SPECC1: variants seen among roughly 807,000 people sequenced by gnomAD.
SPECC1 encodes cytospin-B.
Under a neutral mutation model 104.1 loss-of-function variants are expected in SPECC1, and 62 were observed. The observed-to-expected ratio is 0.60, with a 90% CI of 0.49 to 0.74. The LOEUF is 0.74. Ranked by LOEUF, SPECC1 falls within the 30% of genes least tolerant of loss-of-function variation. The pLI, the probability that SPECC1 is intolerant of heterozygous loss-of-function variation, is 0.00. For missense variants in SPECC1, 1,306 were observed against 1,310.5 expected, an observed-to-expected ratio of 1.00 and a Z score of 0.05; for synonymous variants, 513 against 501.6, an observed-to-expected ratio of 1.02 and a Z score of -0.30.
chr17:20,244,768 T>G (rs993890266), intron 7 of SPECC1, among the ~76,000 whole-genome samples: 1 of 152,188 alleles, frequency 6.6e-6, no homozygotes, highest in African/African-American at 2.4e-5. Flanking sequence ...ACATTCTGTT[T>G]GAACTATTAT....
At chr17:20,130,297 C>T (rs1440598338) in intron 3 of SPECC1, among the ~76,000 whole-genome samples, 4 of 152,116 alleles carry the variant, frequency 2.6e-5, no homozygotes, top group Non-Finnish European at 5.9e-5. Context: ...TGGCTCACAC[C>T]TGTAAGCCCA....
At chr17:20,075,800 A>G (rs1165667443) in intron 1 of SPECC1, among the ~76,000 whole-genome samples, 1 of 151,916 alleles carries the variant, frequency 6.6e-6, no homozygotes, top group Non-Finnish European at 1.5e-5. Flanking sequence ...TCAAAACACA[A>G]GCTAAGTGTG....
At chr17:20,170,996 T>C (rs2034047236) in intron 3 of SPECC1, among the ~76,000 whole-genome samples, 1 of 152,186 alleles carries the variant, frequency 6.6e-6, no homozygotes, top group Non-Finnish European at 1.5e-5. Flanking sequence ...TCTTGGAAGG[T>C]TACATTATAA....
intron 9 of SPECC1, 111 bp from the exon 10 acceptor site, chr17:20,253,394 C>T: frequency 1.0e-6 from 1 of 979,512 alleles, no homozygotes; most frequent in South Asian, 1.6e-5. Flanking sequence ...CTGGTTATTC[C>T]ACTGTGTTTA....
At chr17:20,301,407 G>T (rs1390078091) in intron 13 of SPECC1, among the ~76,000 whole-genome samples, 1 of 149,710 alleles carries the variant, frequency 6.7e-6, no homozygotes, top group Non-Finnish European at 1.5e-5. Flanking sequence ...CAGTGCCAGG[G>T]CATTTTTTTT....
chr17:20,095,255 A>G (rs2047589767), intron 1 of SPECC1, among the ~76,000 whole-genome samples: 1 of 152,262 alleles, frequency 6.6e-6, no homozygotes, highest in Non-Finnish European at 1.5e-5. Context: ...GTAATCCAGA[A>G]TTTTAAAAAA....
chr17:20,025,407 T>A (rs955794319), intron 1 of SPECC1, among the ~76,000 whole-genome samples: 6 of 152,220 alleles, frequency 3.9e-5, no homozygotes, highest in Non-Finnish European at 5.9e-5. Flanking sequence ...ACCACTAATC[T>A]ACTTTCTGTC....
At chr17:20,163,281 C>T (rs900068180) in intron 3 of SPECC1, among the ~76,000 whole-genome samples, 52 of 152,250 alleles carry the variant, frequency 3.4e-4, no homozygotes, top group Middle Eastern at 6.8e-3. Context: ...TTGAAATTTT[C>T]AAGTTCAACG....
chr17:20,299,078 G>A (rs745348215), intron 13 of SPECC1, among the ~76,000 whole-genome samples: 2 of 151,870 alleles, frequency 1.3e-5, no homozygotes, highest in Non-Finnish European at 2.9e-5. Context: ...TGCAGGGTAA[G>A]CCAGCAGGCT....
intron 1 of SPECC1, among the ~76,000 whole-genome samples, chr17:20,054,150 A>G (rs2045876325): frequency 6.6e-6 from 1 of 152,112 alleles, no homozygotes; most frequent in African/African-American, 2.4e-5. Flanking sequence ...CTCTCTTTTA[A>G]TCTATTCCCC....
chr17:20,032,039 A>G (rs2044836143), intron 1 of SPECC1, among the ~76,000 whole-genome samples: 1 of 152,184 alleles, frequency 6.6e-6, no homozygotes, highest in Non-Finnish European at 1.5e-5. Flanking sequence ...TGTCGTATAT[A>G]GGAATCTTTA....
At position 20,283,640 on chromosome 17, in the gene SPECC1, G is replaced by GT. The variant is rs2040849590; in HGVS notation, c.2941-13320dup. ...CTTGCTCTGTCACCCTGGCTGGAGT[G>GT]TAGTGGCACGATCTTGGCTCACCTC... On this transcript the variant is annotated intron_variant, in intron 12 of 14. Coordinates refer to ENST00000395527, the MANE Select transcript of SPECC1 (RefSeq NM_001243439.2). Among the ~76,000 whole-genome samples the GT allele has an allele frequency of 5.9e-5, 9 of 152,218 alleles. No homozygotes were observed. The South Asian group carries it at 1.9e-3, about 32-fold the overall frequency.
chr17:20,316,455 C>T lies in SPECC1; in HGVS notation c.*2390C>T, dbSNP rs1487767614. 1.5e-5 allele frequency: 3 copies of T among 195,168 alleles called. No individual in the cohort carries two copies. The highest frequency in any genetic ancestry group is 7.0e-5 in the African/African-American group (3 of 43,138). 12.1% of individuals were successfully genotyped at this position (195,168 alleles called of 1,614,324 possible). A position where few individuals can be genotyped will look rare whatever the true frequency, so the allele number is the denominator to read the frequency against. On this transcript the variant is annotated 3_prime_UTR_variant, in exon 15 of 15. Coordinates refer to ENST00000395527, the MANE Select transcript of SPECC1 (RefSeq NM_001243439.2). Reference sequence around the variant, plus strand: ...CGTCTCAGCTCACTGCAACCTCCGCCGCCCGTGTTTAAGCGATTCTCCTGC... The same window carrying T: ...CGTCTCAGCTCACTGCAACCTCCGCTGCCCGTGTTTAAGCGATTCTCCTGC...
intron 3 of SPECC1, among the ~76,000 whole-genome samples, chr17:20,136,383 C>T (rs2029969099): frequency 6.6e-6 from 1 of 150,848 alleles, no homozygotes; most frequent in African/African-American, 2.5e-5. Context: ...CAAGATCACG[C>T]CACTGCACTC....
intron 14 of SPECC1, among the ~76,000 whole-genome samples, chr17:20,309,513 A>G (rs2041866721): frequency 6.6e-6 from 1 of 152,174 alleles, no homozygotes. Flanking sequence ...AGATAGGCAC[A>G]TAGTAGCCGA....
chr17:20,240,380 T>C (rs1007559213), intron 7 of SPECC1, among the ~76,000 whole-genome samples: 1 of 152,148 alleles, frequency 6.6e-6, no homozygotes, highest in African/African-American at 2.4e-5. Flanking sequence ...CCCTATATTA[T>C]GAGCCTTTAT....
chr17:20,295,163 C>A, intron 12 of SPECC1, among the ~76,000 whole-genome samples: 1 of 116,664 alleles, frequency 8.6e-6, no homozygotes, highest in East Asian at 3.1e-4. Flanking sequence ...AATGCTATCC[C>A]TCCCCCCTCC....
chr17:20,119,612 A>T (rs892309566), intron 3 of SPECC1, among the ~76,000 whole-genome samples: 3 of 152,236 alleles, frequency 2.0e-5, no homozygotes, highest in African/African-American at 4.8e-5. Flanking sequence ...GTACATTGTC[A>T]TGCTGTCCCC....
intron 4 of SPECC1, among the ~76,000 whole-genome samples, chr17:20,217,838 C>G (rs770098062): frequency 5.9e-5 from 9 of 151,996 alleles, no homozygotes; most frequent in African/African-American, 2.2e-4. Flanking sequence ...CACTTAAGCC[C>G]GGGAGCCTGG....
Sources: gnomAD v4.1 joint callset for allele counts (sites outside exome capture counted in the v4.1 genomes callset) on GRCh38, gnomAD v4.1.1 for gene constraint, MANE v1.5 for transcripts, NCBI Gene and HGNC (gene_info 2026-07-23, HGNC 2026-07-21) for gene names.